Variants in CPEB4 observed in about 807,000 individuals in gnomAD.
The protein encoded by CPEB4 is cytoplasmic polyadenylation element-binding protein 4.
Under a neutral mutation model 72.5 loss-of-function variants are expected in CPEB4, and 12 were observed. The observed-to-expected ratio is 0.17, with a 90% CI of 0.11 to 0.27. The LOEUF (loss-of-function observed/expected upper bound fraction) is 0.27. CPEB4 is among the 10% of genes least tolerant of loss of function. The pLI is 1.00. For missense variants in CPEB4, 614 were observed against 908.5 expected, an observed-to-expected ratio of 0.68 and a Z score of 4.17; for synonymous variants, 302 against 326.3, an observed-to-expected ratio of 0.93 and a Z score of 0.80.
chr5:173,943,644 C>T (rs781701665), intron 4 of CPEB4, among the ~76,000 whole-genome samples: 1 of 151,934 alleles, frequency 6.6e-6, no homozygotes, highest in African/African-American at 2.4e-5. Context: ...TGCCTTTTTA[C>T]GAGAAAGTAA....
rs1758498417 is a variant in CPEB4 at position 173,960,002 on chromosome 5, T to C, written c.*3865T>C. On this transcript the variant is annotated 3_prime_UTR_variant, in exon 10 of 10. Transcript: ENST00000265085. ...AAGTTATTTAAGTATGTCAGTTAAT[T>C]GTACTACTTGGCTGAATTTCCATAT... is the stretch of plus-strand genomic sequence containing the variant. 1 of 152,712 alleles carries C rather than the reference T, an allele frequency of 6.5e-6. No homozygotes were observed. Among genetic ancestry groups the C allele is most frequent in the Non-Finnish European group, 1.5e-5 (1 of 68,012 alleles). The allele number at this position is 152,712 out of a possible 1,614,324, so 9.5% of individuals were successfully genotyped here.
At chr5:173,893,766 T>C (rs773122280) in intron 1 of CPEB4, among the ~76,000 whole-genome samples, 21 of 152,324 alleles carry the variant, frequency 1.4e-4, no homozygotes, top group Non-Finnish European at 2.6e-4. Context: ...TTATTTTAAT[T>C]TGAAATGAAC....
chr5:173,898,584 T>G (rs866398077), intron 1 of CPEB4, among the ~76,000 whole-genome samples: 6 of 152,246 alleles, frequency 3.9e-5, no homozygotes, highest in South Asian at 2.1e-4. Flanking sequence ...AAGCAACTCA[T>G]CAAACAGAAA....
At position 173,959,714 on chromosome 5, in the gene CPEB4, A is replaced by G. The variant is rs1442700216; in HGVS notation, c.*3577A>G. ...TGTAAATTTGAGATTATTTTTAAAA[A>G]TGGAATAAAAGAGGTTTTGGTCATT... On this transcript the variant is annotated 3_prime_UTR_variant, in exon 10 of 10. Transcript: ENST00000265085. 2.0e-5 allele frequency: 3 copies of G among 152,636 alleles called. No homozygotes were observed. The highest frequency in any genetic ancestry group is 4.8e-5 in the African/African-American group (2 of 41,462). The allele number at this position is 152,636 out of a possible 1,614,324, so 9.5% of individuals were successfully genotyped here.
In CPEB4 at chr5:173,961,911, G is replaced by A. The variant is rs1195617877; in HGVS notation, c.*5774G>A. On this transcript the variant is annotated 3_prime_UTR_variant, in exon 10 of 10. Transcript: ENST00000265085. ...CTAATATTTCAGACTGTGATCTTCA[G>A]AGGACTAGGATAGTCCTTTCCACAA... The A allele has an allele frequency of 6.6e-6, 1 of 151,370 alleles. No homozygotes were observed. The highest frequency in any genetic ancestry group is 1.5e-5 in the Non-Finnish European group (1 of 67,902). 9.4% of individuals were successfully genotyped at this position (151,370 alleles called of 1,614,324 possible).
At chr5:173,938,702 A>G (rs1757718991) in intron 3 of CPEB4, among the ~76,000 whole-genome samples, 1 of 152,200 alleles carries the variant, frequency 6.6e-6, no homozygotes, top group Non-Finnish European at 1.5e-5. Context: ...CCACTAAAAC[A>G]TAGTAATATC....
chr5:173,942,165 A>C (rs565593128), intron 3 of CPEB4, among the ~76,000 whole-genome samples: 1 of 152,138 alleles, frequency 6.6e-6, no homozygotes, highest in African/African-American at 2.4e-5. Flanking sequence ...TTGTTTGCTT[A>C]TGTGGCCTTC....
At chr5:173,925,944 G>A (rs1757228561) in intron 2 of CPEB4, among the ~76,000 whole-genome samples, 1 of 152,186 alleles carries the variant, frequency 6.6e-6, no homozygotes, top group Non-Finnish European at 1.5e-5. Flanking sequence ...TTTCTTTGGA[G>A]TATCCACATT....
chr5:173,948,346 T>G (rs1261411147), intron 5 of CPEB4, among the ~76,000 whole-genome samples: 1 of 152,078 alleles, frequency 6.6e-6, no homozygotes, highest in Non-Finnish European at 1.5e-5. Context: ...GAGAAAAGGT[T>G]TGCTTGTGGT....
chr5:173,926,308 T>C (rs1242467887), intron 2 of CPEB4, among the ~76,000 whole-genome samples: 1 of 152,256 alleles, frequency 6.6e-6, no homozygotes, highest in Non-Finnish European at 1.5e-5. Flanking sequence ...CTCTGGTCTT[T>C]TCTCCTTTTA....
At position 173,945,155 on chromosome 5, in the gene CPEB4, G is replaced by T. The variant is rs202231235; in HGVS notation, c.1456+15G>T. On this transcript the variant is annotated intron_variant, in intron 5 of 9. Coordinates refer to ENST00000265085, the MANE Select transcript of CPEB4 (RefSeq NM_030627.4). ...CATTGATGAAGGTATGTTTAGAACT[G>T]TTTATAGCACGGTGCCCAGATGGTG... The T allele has an allele frequency of 5.5e-5, 88 of 1,602,020 alleles. No homozygotes were observed. The East Asian group carries it at 1.9e-3, about 35-fold the overall frequency.
chr5:173,937,044 G>C, intron 3 of CPEB4, among the ~76,000 whole-genome samples: 1 of 99,212 alleles, frequency 1.0e-5, no homozygotes, highest in Non-Finnish European at 1.9e-5. Context: ...TTTTTTTTGA[G>C]ATGAAGTCTG....
Position 173,960,332 on chromosome 5 carries a change from C to A in CPEB4, c.*4195C>A, listed in dbSNP as rs17696407. The A allele has an allele frequency of 0.22, 33,978 of 152,500 alleles. 5,006 individuals carry two copies. Among genetic ancestry groups the A allele is most frequent in the Non-Finnish European group, 0.31 (20,750 of 67,982 alleles). The allele number at this position is 152,500 out of a possible 1,614,324, so 9.4% of individuals were successfully genotyped here. A position where few individuals can be genotyped will look rare whatever the true frequency, so the allele number is the denominator to read the frequency against. ...CAGATTTCTTTTAATATACTTATTT[C>A]TTTTTAACACAAGTAGATGATGCTT... On this transcript the variant is annotated 3_prime_UTR_variant, in exon 10 of 10. Coordinates refer to ENST00000265085, the MANE Select transcript of CPEB4 (RefSeq NM_030627.4).
chr5:173,896,214 G>T (rs1229265095), intron 1 of CPEB4, among the ~76,000 whole-genome samples: 1 of 152,142 alleles, frequency 6.6e-6, no homozygotes, highest in African/African-American at 2.4e-5. Flanking sequence ...AAGATAATGT[G>T]AATAATGTGC....
chr5:173,897,545 T>C (rs750873554), intron 1 of CPEB4, among the ~76,000 whole-genome samples: 3 of 152,210 alleles, frequency 2.0e-5, no homozygotes, highest in African/African-American at 7.2e-5. Flanking sequence ...ATTTTTGACC[T>C]GTGCTAATCT....
intron 1 of CPEB4, among the ~76,000 whole-genome samples, chr5:173,906,191 A>G (rs566560382): frequency 6.6e-6 from 1 of 152,356 alleles, no homozygotes; most frequent in Admixed American, 6.5e-5. Context: ...AAGCACTCTT[A>G]TTCTTTTGAT....
chr5:173,933,179 C>T (rs1183629783), intron 3 of CPEB4, among the ~76,000 whole-genome samples: 1 of 152,120 alleles, frequency 6.6e-6, no homozygotes, highest in African/African-American at 2.4e-5. Context: ...TACTAATTTG[C>T]TATGGAATGT....
intron 1 of CPEB4, among the ~76,000 whole-genome samples, chr5:173,905,499 A>G (rs1405196049): frequency 2.6e-5 from 4 of 151,892 alleles, no homozygotes; most frequent in African/African-American, 9.7e-5. Flanking sequence ...ACGCCCAGCT[A>G]ATTTTTGTAT....
chr5:173,925,213 C>G (rs1191855371), intron 2 of CPEB4, among the ~76,000 whole-genome samples: 1 of 152,090 alleles, frequency 6.6e-6, no homozygotes, highest in Non-Finnish European at 1.5e-5. Flanking sequence ...GTTAGGAAAG[C>G]CATTAATTCA....
Sources: allele counts gnomAD v4.1 joint callset (sites outside exome capture counted in the v4.1 genomes callset), GRCh38; gene constraint gnomAD v4.1.1; transcripts MANE v1.5; gene names NCBI Gene and HGNC (gene_info 2026-07-23, HGNC 2026-07-21).